CEP128: variants seen among roughly 807,000 people sequenced by gnomAD.
CEP128 encodes the protein centrosomal protein 128kDa.
A neutral mutation model predicts 156.7 loss-of-function variants in CEP128; 132 were observed. The ratio of observed to expected loss-of-function variants is 0.84; its 90% CI spans 0.73 to 0.97. The LOEUF is 0.97. Ranked by LOEUF, CEP128 falls within the 50% of genes least tolerant of loss-of-function variation. CEP128 has a pLI of 0.00. For synonymous variants in CEP128, 469 were observed against 448.9 expected, an observed-to-expected ratio of 1.04 and a Z score of -0.57; for missense variants, 1,252 against 1,281.9, an observed-to-expected ratio of 0.98 and a Z score of 0.36.
intron 19 of CEP128, among the ~76,000 whole-genome samples, chr14:80,666,341 CTA>C (rs1325966500): frequency 6.6e-6 from 1 of 152,196 alleles, no homozygotes; most frequent in Non-Finnish European, 1.5e-5. Flanking sequence ...AATTGGAGTT[CTA>C]ACACCAGAGA....
At chr14:80,588,745 C>T (rs1478465520) in intron 19 of CEP128, among the ~76,000 whole-genome samples, 2 of 152,038 alleles carry the variant, frequency 1.3e-5, no homozygotes, top group African/African-American at 4.8e-5. Context: ...CAAATCCTTT[C>T]CTTAAAAACT....
At chr14:80,632,058 GATTA>G (rs1459038120) in intron 19 of CEP128, among the ~76,000 whole-genome samples, 1 of 152,064 alleles carries the variant, frequency 6.6e-6, no homozygotes, top group Non-Finnish European at 1.5e-5. Flanking sequence ...CCAGTCACCT[GATTA>G]AAAAGGTGCT....
chr14:80,717,519 A>G (rs550714607), intron 19 of CEP128, among the ~76,000 whole-genome samples: 2 of 152,322 alleles, frequency 1.3e-5, no homozygotes, highest in African/African-American at 4.8e-5. Context: ...CAGAAGGGGT[A>G]AATGGGGGCA....
At chr14:80,629,404 G>T (rs1367753876) in intron 19 of CEP128, among the ~76,000 whole-genome samples, 1 of 152,032 alleles carries the variant, frequency 6.6e-6, no homozygotes, top group Non-Finnish European at 1.5e-5. Flanking sequence ...GAAATAGAGG[G>T]CTTTTATGTA....
chr14:80,548,479 T>C (rs945748230), intron 21 of CEP128, among the ~76,000 whole-genome samples: 8 of 152,256 alleles, frequency 5.3e-5, no homozygotes, highest in African/African-American at 1.9e-4. Flanking sequence ...GTTAGGATCT[T>C]AAAAAGATAT....
Position 80,725,371 on chromosome 14 carries a change from C to T in CEP128, c.2806+17704G>A, listed in dbSNP as rs147960409. On this transcript the variant is annotated intron_variant, in intron 19 of 24. Transcript: ENST00000555265. ...CTAATTTTTGTAGTTTTAGTAGAGA[C>T]GGGGTTTTACCATGTTGGCCAGGCC... Among the ~76,000 whole-genome samples, 325 of 151,680 alleles carry T rather than the reference C, an allele frequency of 2.1e-3. 2 individuals are homozygous for T. Among genetic ancestry groups the T allele is most frequent in the African/African-American group, 7.5e-3 (309 of 41,342 alleles).
chr14:80,766,480 A>T (rs899563280), intron 16 of CEP128, among the ~76,000 whole-genome samples: 1 of 152,178 alleles, frequency 6.6e-6, no homozygotes. Flanking sequence ...AAAGATTATA[A>T]GGAGATAGAT....
At chr14:80,550,400 A>G (rs894979977) in intron 21 of CEP128, among the ~76,000 whole-genome samples, 7 of 152,122 alleles carry the variant, frequency 4.6e-5, no homozygotes, top group African/African-American at 1.7e-4. Context: ...GTTGCAAAGG[A>G]TGACATTTTC....
intron 13 of CEP128, among the ~76,000 whole-genome samples, chr14:80,820,589 A>C (rs1214442509): frequency 6.6e-6 from 1 of 152,258 alleles, no homozygotes; most frequent in Non-Finnish European, 1.5e-5. Context: ...AAAACATTTC[A>C]GGAGAAAAGT....
chr14:80,913,464 A>G (rs927522274), intron 4 of CEP128, among the ~76,000 whole-genome samples: 24 of 152,248 alleles, frequency 1.6e-4, no homozygotes, highest in African/African-American at 5.8e-4. Flanking sequence ...AAATACATAG[A>G]AAATGTTTGG....
At chr14:80,944,801 G>A (rs542812312), upstream of CEP128, among the ~76,000 whole-genome samples, 36 of 110,768 alleles carry the variant, frequency 3.3e-4, no homozygotes, top group African/African-American at 4.7e-4. Flanking sequence ...CAGCCTGGGC[G>A]ACAGAGTCAA....
At chr14:80,555,069 A>G (rs1257296166) in intron 21 of CEP128, among the ~76,000 whole-genome samples, 1 of 152,154 alleles carries the variant, frequency 6.6e-6, no homozygotes, top group Non-Finnish European at 1.5e-5. Flanking sequence ...CTGATATAAA[A>G]AAATCAAGTC....
chr14:80,635,956 T>C (rs918026138), intron 19 of CEP128, among the ~76,000 whole-genome samples: 2 of 152,252 alleles, frequency 1.3e-5, no homozygotes, highest in African/African-American at 4.8e-5. Context: ...AAATGAATTT[T>C]GTGTTTAGAT....
intron 19 of CEP128, 37 bp from the exon 20 acceptor site, chr14:80,580,460 T>A: frequency 5.7e-6 from 7 of 1,236,408 alleles, no homozygotes; most frequent in Non-Finnish European, 5.8e-6. Flanking sequence ...CAAAATACAA[T>A]GTAAAAACGA....
intron 10 of CEP128, 63 bp downstream of exon 10, chr14:80,840,619 C>T: frequency 2.0e-6 from 2 of 1,019,318 alleles, no homozygotes; most frequent in South Asian, 1.3e-5. Flanking sequence ...TTTCAAGGCA[C>T]TCAACAAATA....
chr14:80,519,470 G>A (rs1888638127), intron 23 of CEP128, among the ~76,000 whole-genome samples: 1 of 152,104 alleles, frequency 6.6e-6, no homozygotes, highest in African/African-American at 2.4e-5. Flanking sequence ...CCTTCCCCTG[G>A]AGAGAAGGAA....
intron 9 of CEP128, among the ~76,000 whole-genome samples, chr14:80,857,758 ACAAC>A (rs758069969): frequency 1.3e-4 from 19 of 150,418 alleles, no homozygotes; most frequent in South Asian, 4.2e-4. Flanking sequence ...AACAACAACA[ACAAC>A]AACAACAAAA....
At chr14:80,936,639 A>C (rs1253910186) in intron 2 of CEP128, among the ~76,000 whole-genome samples, 1 of 152,192 alleles carries the variant, frequency 6.6e-6, no homozygotes, top group African/African-American at 2.4e-5. Flanking sequence ...AGAAAAACTC[A>C]CAAAAATATT....
At chr14:80,659,536 C>T (rs111395463) in intron 19 of CEP128, among the ~76,000 whole-genome samples, 5,343 of 152,230 alleles carry the variant, frequency 0.035, 142 homozygotes, top group Non-Finnish European at 0.055. Flanking sequence ...ACTTAACATG[C>T]CTTACTGATA....
Sources: allele counts gnomAD v4.1 joint callset (sites outside exome capture counted in the v4.1 genomes callset), GRCh38; gene constraint gnomAD v4.1.1; transcripts MANE v1.5; gene names NCBI Gene and HGNC (gene_info 2026-07-23, HGNC 2026-07-21).